The following FBXW11 variants were observed in gnomAD, a reference collection of about 807,000 sequenced individuals.
FBXW11 encodes F-box/WD repeat-containing protein 11.
In FBXW11, 19 loss-of-function variants were observed where a neutral mutation model predicts 77.6. That is an observed-to-expected ratio of 0.24 (90% CI 0.17 to 0.36). The LOEUF is 0.36. Ranked by LOEUF, FBXW11 falls within the 10% of genes least tolerant of loss-of-function variation. FBXW11 has a pLI of 1.00. For missense variants in FBXW11, 334 were observed against 704.2 expected (o/e 0.47, Z 5.95); for synonymous variants, 235 against 249.4 (o/e 0.94, Z 0.54).
At chr5:171,920,092 G>C (rs1761499577) in intron 2 of FBXW11, among the ~76,000 whole-genome samples, 1 of 152,172 alleles carries the variant, frequency 6.6e-6, no homozygotes, top group Non-Finnish European at 1.5e-5. Flanking sequence ...GAACCCAGGA[G>C]GCAGAGGTTG....
In FBXW11 at chr5:171,862,117, C is replaced by T. The variant is rs994265871; in HGVS notation, c.*2010G>A. ...TCCATTCATTCATTCAGAATTGCCT[C>T]CTCCCCTGCCCCCTCCCTTCCCCCT... On this transcript the variant is annotated 3_prime_UTR_variant, in exon 14 of 14. Coordinates refer to ENST00000517395, the MANE Select transcript of FBXW11 (RefSeq NM_001378974.1). 1.3e-5 allele frequency: 2 copies of T among 152,612 alleles called. No homozygotes were observed. The highest frequency in any genetic ancestry group is 2.4e-5 in the African/African-American group (1 of 41,412). 9.5% of individuals were successfully genotyped at this position (152,612 alleles called of 1,614,324 possible). A position where few individuals can be genotyped will look rare whatever the true frequency, so the allele number is the denominator to read the frequency against.
chr5:171,932,348 A>C (rs1340138607), intron 2 of FBXW11, among the ~76,000 whole-genome samples: 1 of 152,220 alleles, frequency 6.6e-6, no homozygotes, highest in African/African-American at 2.4e-5. Context: ...ACAAAATACC[A>C]CAACACATCT....
chr5:171,915,399 T>A (rs1302752003), intron 2 of FBXW11, among the ~76,000 whole-genome samples: 2 of 152,262 alleles, frequency 1.3e-5, no homozygotes, highest in African/African-American at 4.8e-5. Flanking sequence ...CTTTATGTTC[T>A]ACAAGTCCTA....
chr5:171,930,762 T>TAAAAAAATA (rs1762143103), intron 2 of FBXW11, among the ~76,000 whole-genome samples: 1 of 126,530 alleles, frequency 7.9e-6, no homozygotes, highest in Non-Finnish European at 1.7e-5. Flanking sequence ...AATAAAAAAA[T>TAAAAAAATA]AAAAAAAAAA....
intron 2 of FBXW11, among the ~76,000 whole-genome samples, chr5:171,925,723 T>A (rs1761857930): frequency 6.6e-6 from 1 of 152,204 alleles, no homozygotes; most frequent in South Asian, 2.1e-4. Flanking sequence ...GTATTTACTT[T>A]TACACTAATC....
chr5:171,948,193 C>CCA (rs1763114472), intron 2 of FBXW11, among the ~76,000 whole-genome samples: 1 of 147,426 alleles, frequency 6.8e-6, no homozygotes. Flanking sequence ...CAAGATCATG[C>CCA]CACTGCACAC....
At position 171,862,676 on chromosome 5, in the gene FBXW11, G is replaced by A. The variant is rs1561621893; in HGVS notation, c.*1451C>T. 6.5e-6 allele frequency: 1 copy of A among 152,680 alleles called. No individual in the cohort carries two copies. Among genetic ancestry groups the A allele is most frequent in the Non-Finnish European group, 1.5e-5 (1 of 68,130 alleles). 9.5% of individuals were successfully genotyped at this position (152,680 alleles called of 1,614,324 possible). A position where few individuals can be genotyped will look rare whatever the true frequency, so the allele number is the denominator to read the frequency against. On this transcript the variant is annotated 3_prime_UTR_variant, in exon 14 of 14. Transcript: ENST00000517395. ...TTGGGCTGTGTCGTAGGGAGGACTT[G>A]GGAGCTTTGAGAACCTGCTGGGGCC...
intron 1 of FBXW11, among the ~76,000 whole-genome samples, chr5:172,002,467 T>C (rs756667923): frequency 7.3e-5 from 11 of 151,024 alleles, no homozygotes; most frequent in Non-Finnish European, 1.5e-4. Flanking sequence ...TTGGACCCTA[T>C]TGAAACCTGT....
At chr5:171,925,647 ATTT>A (rs929178896) in intron 2 of FBXW11, among the ~76,000 whole-genome samples, 4 of 152,046 alleles carry the variant, frequency 2.6e-5, no homozygotes, top group African/African-American at 9.7e-5. Context: ...TGCCTGGCTA[ATTT>A]TTTTATTTTT....
At chr5:171,946,645 A>T (rs1289471457) in intron 2 of FBXW11, among the ~76,000 whole-genome samples, 1 of 151,980 alleles carries the variant, frequency 6.6e-6, no homozygotes, top group Admixed American at 6.6e-5. Context: ...TTTCCTCCAG[A>T]TAACTGCACA....
At chr5:171,890,534 T>C (rs1317785228) in intron 7 of FBXW11, among the ~76,000 whole-genome samples, 15 of 147,210 alleles carry the variant, frequency 1.0e-4, no homozygotes, top group Non-Finnish European at 2.2e-4. Flanking sequence ...GAATGTGAAA[T>C]GGTACAGGCA....
intron 1 of FBXW11, among the ~76,000 whole-genome samples, chr5:171,972,262 G>C (rs1764573742): frequency 6.6e-6 from 1 of 151,712 alleles, no homozygotes. Flanking sequence ...AGAATTGCTT[G>C]AGCCCAGGAG....
intron 3 of FBXW11, among the ~76,000 whole-genome samples, chr5:171,913,809 A>C (rs1012894449): frequency 3.7e-5 from 5 of 134,160 alleles, no homozygotes; most frequent in Non-Finnish European, 8.4e-5. Context: ...ACCCCCAACC[A>C]CACACACATA....
At chr5:171,891,776 A>G (rs755551666) in intron 6 of FBXW11, among the ~76,000 whole-genome samples, 172 bp from the exon 7 acceptor site, 10 of 151,946 alleles carry the variant, frequency 6.6e-5, no homozygotes, top group Non-Finnish European at 1.3e-4. Context: ...TTAACCCAAC[A>G]ATGTTTTTTC....
intron 2 of FBXW11, among the ~76,000 whole-genome samples, chr5:171,957,040 A>G (rs1359141030): frequency 2.6e-5 from 4 of 152,212 alleles, no homozygotes; most frequent in Admixed American, 6.5e-5. Flanking sequence ...GTGGACCCTG[A>G]GGACAGGTGT....
In FBXW11 at chr5:171,876,667, T is replaced by TTGA; in HGVS notation, c.972-136_972-134dup. ...GACTCTACCAAATCTCATGTTGAAATTGATCCTCAATGTTGGAGGTGGGGC... is the reference window on the plus strand; with the variant it reads ...GACTCTACCAAATCTCATGTTGAAATTGATGATCCTCAATGTTGGAGGTGGGGC... On this transcript the variant is annotated intron_variant, in intron 8 of 13. Coordinates refer to ENST00000517395, the MANE Select transcript of FBXW11 (RefSeq NM_001378974.1). The surrounding 1 kb of genome is among the most constrained non-coding windows in gnomAD (Gnocchi z 4.2). 8.3e-7 allele frequency: 1 copy of TTGA among 1,205,264 alleles called. No homozygotes were observed. The highest frequency in any genetic ancestry group is 1.2e-6 in the Non-Finnish European group (1 of 861,110). 74.7% of individuals were successfully genotyped at this position (1,205,264 alleles called of 1,614,324 possible).
At chr5:172,006,022 A>C (rs1356221042) in intron 1 of FBXW11, among the ~76,000 whole-genome samples, 1 of 151,712 alleles carries the variant, frequency 6.6e-6, no homozygotes, top group East Asian at 2.0e-4. Context: ...AGGCGGCCCC[A>C]ACCCATCTCC....
chr5:171,922,795 G>A (rs867957456), intron 2 of FBXW11, among the ~76,000 whole-genome samples: 16 of 152,148 alleles, frequency 1.1e-4, no homozygotes, highest in South Asian at 8.3e-4. Flanking sequence ...TTTGTAACAA[G>A]TATTTCATTG....
chr5:171,996,854 T>C (rs1766085902), intron 1 of FBXW11: 1 of 1,221,826 alleles, frequency 8.2e-7, no homozygotes, highest in African/African-American at 1.6e-5. Context: ...GCGAGTTGAG[T>C]TCCACAAAAC....
Sources: allele counts gnomAD v4.1 joint callset (sites outside exome capture counted in the v4.1 genomes callset), GRCh38; gene constraint gnomAD v4.1.1; non-coding constraint Gnocchi (gnomAD v3.1); transcripts MANE v1.5; gene names NCBI Gene and HGNC (gene_info 2026-07-23, HGNC 2026-07-21).